The following DIAPH2 variants were observed in gnomAD, a reference collection of about 807,000 sequenced individuals.
DIAPH2 encodes diaphanous related formin 2, also known as protein diaphanous homolog 2.
A neutral mutation model predicts 92.7 loss-of-function variants in DIAPH2; 35 were observed. The observed-to-expected ratio is 0.38, with a 90% CI of 0.29 to 0.50. The LOEUF is 0.50. Ranked by LOEUF, DIAPH2 falls within the 20% of genes least tolerant of loss-of-function variation. The pLI, the probability that DIAPH2 is intolerant of heterozygous loss-of-function variation, is 0.94. For synonymous variants in DIAPH2, 301 were observed against 280.4 expected, an observed-to-expected ratio of 1.07 and a Z score of -0.73; for missense variants, 701 against 819.5, an observed-to-expected ratio of 0.86 and a Z score of 1.77.
chrX:97,449,578 A>G, intron 26 of DIAPH2: 3 of 428,054 alleles, frequency 7.0e-6, no homozygotes, highest in Non-Finnish European at 8.8e-6. Context: ...TTCAAAGGGA[A>G]GATTGTTGGG....
chrX:96,882,984 C>G (rs148770641), intron 5 of DIAPH2, among the ~76,000 whole-genome samples: 1 of 28,483 alleles, frequency 3.5e-5, no homozygotes, highest in Non-Finnish European at 9.5e-5. Flanking sequence ...AAAAAAAAAA[C>G]AAAAAAACAA....
At chrX:97,393,541 C>T (rs964021673) in intron 25 of DIAPH2, among the ~76,000 whole-genome samples, 1 of 111,513 alleles carries the variant, frequency 9.0e-6, no homozygotes, top group South Asian at 3.7e-4. Flanking sequence ...CTCTAAAATG[C>T]GTGCAACAGT....
chrX:96,898,389 T>G (rs2065363526), intron 5 of DIAPH2, among the ~76,000 whole-genome samples: 1 of 93,411 alleles, frequency 1.1e-5, no homozygotes, highest in East Asian at 3.7e-4. Flanking sequence ...CAGCACCTGT[T>G]GTTTCCTGAC....
intron 25 of DIAPH2, among the ~76,000 whole-genome samples, chrX:97,407,373 A>C (rs1195780190): frequency 8.9e-6 from 1 of 111,901 alleles, no homozygotes; most frequent in Admixed American, 9.5e-5. Context: ...GAATTCTTTT[A>C]ATCTCCAAAT....
At chrX:97,011,034 T>C (rs2066221543) in intron 17 of DIAPH2, among the ~76,000 whole-genome samples, 1 of 112,275 alleles carries the variant, frequency 8.9e-6, no homozygotes, top group African/African-American at 3.2e-5. Flanking sequence ...TGATGAAATT[T>C]TCAAATGGTT....
chrX:97,304,541 A>C (rs150849123), intron 23 of DIAPH2, among the ~76,000 whole-genome samples: 2,402 of 111,996 alleles, frequency 0.021, 85 homozygotes, highest in African/African-American at 0.074. Context: ...CAGTTGCCCT[A>C]GTTATTTAGT....
At chrX:96,895,271 C>T (rs1027483782) in intron 5 of DIAPH2, among the ~76,000 whole-genome samples, 1 of 111,544 alleles carries the variant, frequency 9.0e-6, no homozygotes, top group African/African-American at 3.3e-5. Flanking sequence ...TCCCAAAATA[C>T]GGGGACTACA....
chrX:97,274,926 A>C (rs985727404), intron 23 of DIAPH2, among the ~76,000 whole-genome samples: 3 of 111,290 alleles, frequency 2.7e-5, no homozygotes, highest in African/African-American at 9.8e-5. Flanking sequence ...CTGAGTGGAC[A>C]CAGCACATGT....
At chrX:96,773,857 CAAACAAAACACA>C (rs202023057) in intron 4 of DIAPH2, among the ~76,000 whole-genome samples, 10,848 of 110,289 alleles carry the variant, frequency 0.098, 532 homozygotes, top group East Asian at 0.31. Context: ...AAAAAACAAA[CAAACAAAACACA>C]AAACAAAACA....
intron 4 of DIAPH2, among the ~76,000 whole-genome samples, chrX:96,821,242 A>G (rs1196139108): frequency 8.9e-6 from 1 of 112,539 alleles, no homozygotes; most frequent in Non-Finnish European, 1.9e-5. Context: ...AGTCAATCAC[A>G]ATAGTTTAGG....
intron 26 of DIAPH2, among the ~76,000 whole-genome samples, chrX:97,486,464 G>C (rs781369150): frequency 1.6e-3 from 181 of 111,952 alleles, no homozygotes; most frequent in Non-Finnish European, 3.0e-3. Flanking sequence ...GGTTTTATCT[G>C]TTACCAGAAC....
intron 26 of DIAPH2, among the ~76,000 whole-genome samples, chrX:97,572,169 G>A (rs959104849): frequency 9.2e-6 from 1 of 109,244 alleles, no homozygotes; most frequent in Non-Finnish European, 1.9e-5. Flanking sequence ...AGGCTCAGCA[G>A]CCGTTACATA....
chrX:96,863,496 AAAG>A (rs2065084789), intron 4 of DIAPH2, among the ~76,000 whole-genome samples: 1 of 110,880 alleles, frequency 9.0e-6, no homozygotes, highest in Non-Finnish European at 1.9e-5. Flanking sequence ...AGGAAATTTT[AAAG>A]AAGAGAGTAT....
Position 96,874,944 on chromosome X carries a change from G to A in DIAPH2, c.448-6635G>A, listed in dbSNP as rs1211205425. ...GGCTGAGCATCTCTAATCCAAAATC[G>A]AAAATGCTCCAAAATCCAAAACTTC... On this transcript the variant is annotated intron_variant, in intron 4 of 26. Coordinates refer to ENST00000324765, the MANE Select transcript of DIAPH2 (RefSeq NM_006729.5). Among the ~76,000 whole-genome samples, 3 of 111,495 alleles carry A rather than the reference G, an allele frequency of 2.7e-5. No individual in the cohort carries two copies. The East Asian group carries it at 8.4e-4, about 31-fold the overall frequency.
intron 4 of DIAPH2, among the ~76,000 whole-genome samples, chrX:96,842,246 CTCTTT>C (rs913675676): frequency 1.8e-5 from 2 of 111,727 alleles, no homozygotes; most frequent in African/African-American, 3.3e-5. Flanking sequence ...ATTAGAGTTA[CTCTTT>C]TCTTTTTATT....
chrX:97,073,045 A>G lies in DIAPH2; in HGVS notation c.2152+3A>G. ...TCCCAAAACAGCTCAGAATCTGTGTATGTAATATTTTCTTCGTAGGATTGG... is the reference window on the plus strand; with the variant it reads ...TCCCAAAACAGCTCAGAATCTGTGTGTGTAATATTTTCTTCGTAGGATTGG... On this transcript the variant is annotated splice_donor_region_variant and intron_variant, in intron 18 of 26. Coordinates refer to ENST00000324765, the MANE Select transcript of DIAPH2 (RefSeq NM_006729.5). The G allele has an allele frequency of 8.6e-7, 1 of 1,158,573 alleles. No homozygotes were observed. Among genetic ancestry groups the G allele is most frequent in the South Asian group, 1.9e-5 (1 of 53,035 alleles).
intron 17 of DIAPH2, among the ~76,000 whole-genome samples, chrX:96,968,019 A>T (rs1458699493): frequency 9.1e-6 from 1 of 109,744 alleles, no homozygotes; most frequent in Non-Finnish European, 1.9e-5. Context: ...TACCAACAGT[A>T]TATAAGTGTT....
rs187271067 is a variant in DIAPH2 at position 96,693,406 on chromosome X, A to C, written c.132+8216A>C. Among the ~76,000 whole-genome samples, 314 of 112,464 alleles carry C rather than the reference A, an allele frequency of 2.8e-3. 8 individuals are homozygous for C. Among genetic ancestry groups the C allele is most frequent in the Admixed American group, 0.027 (283 of 10,640 alleles). ...GTGGTGTTTTATGTGCTCTGAAATC[A>C]ATCACTGATAAAGTCTTAAATGCTT... On this transcript the variant is annotated intron_variant, in intron 1 of 26. Coordinates refer to ENST00000324765, the MANE Select transcript of DIAPH2 (RefSeq NM_006729.5).
intron 26 of DIAPH2, among the ~76,000 whole-genome samples, chrX:97,550,345 G>C (rs1198132530): frequency 8.9e-6 from 1 of 112,118 alleles, no homozygotes; most frequent in African/African-American, 3.2e-5. Context: ...GGCAACAAGA[G>C]CGAAACTCTG....
Sources: allele counts gnomAD v4.1 joint callset (sites outside exome capture counted in the v4.1 genomes callset), GRCh38; gene constraint gnomAD v4.1.1; transcripts MANE v1.5; gene names NCBI Gene and HGNC (gene_info 2026-07-23, HGNC 2026-07-21).